NRP2: variants seen among roughly 807,000 people sequenced by gnomAD.
NRP2 encodes neuropilin-2.
A neutral mutation model predicts 110.4 loss-of-function variants in NRP2; 52 were observed. That is an observed-to-expected ratio of 0.47 (90% CI 0.38 to 0.59). The LOEUF is 0.59. Among genes scored for constraint, NRP2 ranks in the 20% least tolerant of loss-of-function variants. The pLI is 0.00. For missense variants in NRP2, 1,049 were observed against 1,203.0 expected, an observed-to-expected ratio of 0.87 and a Z score of 1.89; for synonymous variants, 508 against 468.9, an observed-to-expected ratio of 1.08 and a Z score of -1.08.
At chr2:205,710,384 G>C (rs1408888027) in intron 2 of NRP2, among the ~76,000 whole-genome samples, 1 of 152,180 alleles carries the variant, frequency 6.6e-6, no homozygotes, top group Non-Finnish European at 1.5e-5. Context: ...TTGTAACAGG[G>C]CCTGGTTTGG....
intron 12 of NRP2, 146 bp downstream of exon 12, chr2:205,753,121 C>G (rs1379986892): frequency 9.2e-7 from 1 of 1,092,638 alleles, no homozygotes; most frequent in East Asian, 2.5e-5. Context: ...AGTCTTTGCT[C>G]AAGACGTCAC....
At chr2:205,781,692 C>T (rs1181275462) in intron 15 of NRP2, among the ~76,000 whole-genome samples, 2 of 152,166 alleles carry the variant, frequency 1.3e-5, no homozygotes, top group African/African-American at 2.4e-5. Flanking sequence ...ATCACTGGGG[C>T]TCTCACAGCT....
intron 8 of NRP2, 105 bp from the exon 9 acceptor site, chr2:205,743,098 A>C (rs1186015014): frequency 2.9e-5 from 47 of 1,594,658 alleles, no homozygotes; most frequent in Non-Finnish European, 3.8e-5. Context: ...GTGCTGACTT[A>C]GTATTTGACA....
rs554568867 is a variant in NRP2 at position 205,785,850 on chromosome 2, G to A, written c.2426-6385G>A. ...TTATTCAACTAAAAATAATAGAAAC[G>A]AATGGCTAAATTCAAGATCAAACTC... On this transcript the variant is annotated intron_variant, in intron 15 of 16. Coordinates refer to ENST00000357785, the MANE Select transcript of NRP2 (RefSeq NM_003872.3). Among the ~76,000 whole-genome samples the A allele has an allele frequency of 1.3e-4, 20 of 152,182 alleles. No individual in the cohort carries two copies. In the South Asian group the frequency reaches 1.9e-3, roughly 14 times the overall value.
At chr2:205,747,592 G>A (rs1252735973) in intron 10 of NRP2, among the ~76,000 whole-genome samples, 4 of 152,106 alleles carry the variant, frequency 2.6e-5, no homozygotes, top group Admixed American at 6.6e-5. Context: ...CCTATTCGAC[G>A]GATTCCACAA....
At chr2:205,785,422 A>C (rs540080013) in intron 15 of NRP2, among the ~76,000 whole-genome samples, 1 of 152,336 alleles carries the variant, frequency 6.6e-6, no homozygotes, top group East Asian at 1.9e-4. Flanking sequence ...GGGGGAAAAA[A>C]CAGCAGGTTT....
rs2058107503 is a variant in NRP2 at position 205,776,755 on chromosome 2, T to C, written c.2425+9952T>C. Reference sequence around the variant, plus strand: ...TTGATTCCAAACCAACAAACCCAACTCTAATGCTGCATCTTGGACTATCCG... The same window carrying C: ...TTGATTCCAAACCAACAAACCCAACCCTAATGCTGCATCTTGGACTATCCG... On this transcript the variant is annotated intron_variant, in intron 15 of 16. Coordinates refer to ENST00000357785, the MANE Select transcript of NRP2 (RefSeq NM_003872.3). 3 of 1,448,620 alleles carry C rather than the reference T, an allele frequency of 2.1e-6. No individual in the cohort carries two copies. In the South Asian group the frequency reaches 4.3e-5, roughly 21 times the overall value. The allele number at this position is 1,448,620 out of a possible 1,614,324, so 89.7% of individuals were successfully genotyped here.
At chr2:205,684,583 C>G (rs7563993) in intron 1 of NRP2, among the ~76,000 whole-genome samples, 1,633 of 152,268 alleles carry the variant, frequency 0.011, 20 homozygotes, top group African/African-American at 0.036. Flanking sequence ...GCACACACAC[C>G]ACTTTAAGCT....
intron 2 of NRP2, among the ~76,000 whole-genome samples, chr2:205,698,984 A>G (rs1401913733): frequency 6.6e-6 from 1 of 152,218 alleles, no homozygotes; most frequent in Non-Finnish European, 1.5e-5. Context: ...GGCTCAGTGA[A>G]TTGATGTCAT....
chr2:205,734,420 C>A (rs1384671882), intron 7 of NRP2, among the ~76,000 whole-genome samples: 1 of 140,412 alleles, frequency 7.1e-6, no homozygotes, highest in Non-Finnish European at 1.6e-5. Context: ...CCCCGCATCG[C>A]AACAGTTCCC....
At chr2:205,724,319 T>A (rs1281974849) in intron 5 of NRP2, among the ~76,000 whole-genome samples, 2 of 152,172 alleles carry the variant, frequency 1.3e-5, no homozygotes, top group Non-Finnish European at 2.9e-5. Flanking sequence ...TTTTTTTCCC[T>A]CTCAAAATCT....
At chr2:205,742,354 C>T (rs574367027) in intron 8 of NRP2, among the ~76,000 whole-genome samples, 2 of 152,134 alleles carry the variant, frequency 1.3e-5, no homozygotes, top group South Asian at 4.2e-4. Flanking sequence ...TCTCTGACAT[C>T]GTAGAACTTT....
chr2:205,709,091 T>C (rs2056746094), intron 2 of NRP2, among the ~76,000 whole-genome samples: 1 of 152,246 alleles, frequency 6.6e-6, no homozygotes, highest in Non-Finnish European at 1.5e-5. Flanking sequence ...CACCTTGCTA[T>C]CTAAGACAGC....
At chr2:205,697,889 A>C in intron 2 of NRP2, 168 bp downstream of exon 2, 1 of 739,556 alleles carries the variant, frequency 1.4e-6, no homozygotes, top group Non-Finnish European at 2.4e-6. Context: ...TTTCCAGGGA[A>C]ATAAAGGTGT....
chr2:205,690,586 AC>A, intron 1 of NRP2, among the ~76,000 whole-genome samples: 1 of 20,704 alleles, frequency 4.8e-5, no homozygotes, highest in Admixed American at 6.0e-4. Context: ...AAATACACAC[AC>A]ACACACACAC....
intron 15 of NRP2, chr2:205,779,734 C>T (rs1382798926): frequency 1.3e-5 from 2 of 151,904 alleles, no homozygotes; most frequent in African/African-American, 2.4e-5. Context: ...TTTTTTTTCC[C>T]TTTGCCTGTG....
intron 2 of NRP2, among the ~76,000 whole-genome samples, chr2:205,713,542 A>G (rs1207677138): frequency 6.6e-6 from 1 of 152,228 alleles, no homozygotes; most frequent in Non-Finnish European, 1.5e-5. Context: ...TTCATATTTT[A>G]GTAGTCTTTC....
rs554211453 is a variant in NRP2 at position 205,725,623 on chromosome 2, A to G, written c.821-290A>G. Among the ~76,000 whole-genome samples the G allele has an allele frequency of 3.9e-5, 6 of 152,338 alleles. No homozygotes were observed. Among genetic ancestry groups the G allele is most frequent in the African/African-American group, 1.4e-4 (6 of 41,590 alleles). On this transcript the variant is annotated intron_variant, in intron 5 of 16. Transcript: ENST00000357785. This position sits in a 1 kb window ranked among gnomAD's most constrained non-coding sequence, Gnocchi z 4.1. ...GGTGCATCTGGCATCTGTAGCCTGC[A>G]GCAATAACAGTTCTTGTGCTTTAGA...
chr2:205,724,130 T>A (rs954895979), intron 5 of NRP2, among the ~76,000 whole-genome samples, 190 bp downstream of exon 5: 1 of 148,512 alleles, frequency 6.7e-6, no homozygotes. Context: ...CACATTTCAA[T>A]CTGGGTGCTT....
Sources: allele counts gnomAD v4.1 joint callset (sites outside exome capture counted in the v4.1 genomes callset), GRCh38; gene constraint gnomAD v4.1.1; non-coding constraint Gnocchi (gnomAD v3.1); transcripts MANE v1.5; gene names NCBI Gene and HGNC (gene_info 2026-07-23, HGNC 2026-07-21).